RHBDD1: variants seen among roughly 807,000 people sequenced by gnomAD.
The protein encoded by RHBDD1 is rhomboid domain containing 1, also known as rhomboid-related protein 4.
In RHBDD1, 38 loss-of-function variants were observed where a neutral mutation model predicts 36.3. That is an observed-to-expected ratio of 1.05 (90% confidence interval 0.81 to 1.37). The LOEUF (loss-of-function observed/expected upper bound fraction) is 1.37. Ranked by LOEUF, RHBDD1 falls within the 40% of genes most tolerant of loss-of-function variation. The probability of loss-of-function intolerance (pLI) is 0.00; values close to 1 mark genes in which losing one functional copy is unlikely to be tolerated. For missense variants in RHBDD1, 393 were observed against 377.6 expected (o/e 1.04, Z -0.34); for synonymous variants, 151 against 136.5 (o/e 1.11, Z -0.74).
intron 8 of RHBDD1, among the ~76,000 whole-genome samples, chr2:226,955,426 G>C (rs1401247288): frequency 6.6e-6 from 1 of 152,208 alleles, no homozygotes; most frequent in African/African-American, 2.4e-5. Context: ...ATGTTGTTTT[G>C]ATGTTACTCT....
upstream of RHBDD1, among the ~76,000 whole-genome samples, chr2:226,833,070 G>A (rs1940781650): frequency 6.6e-6 from 1 of 152,154 alleles, no homozygotes; most frequent in Non-Finnish European, 1.5e-5. Context: ...TATGGTTAGT[G>A]TCTGCATAGT....
chr2:226,958,118 A>G (rs1951904931), intron 8 of RHBDD1, among the ~76,000 whole-genome samples: 1 of 152,268 alleles, frequency 6.6e-6, no homozygotes, highest in Non-Finnish European at 1.5e-5. Flanking sequence ...ATAATAGCCA[A>G]AAAGTAGAAA....
chr2:226,992,654 T>C (rs1958502246), intron 8 of RHBDD1, among the ~76,000 whole-genome samples: 1 of 152,226 alleles, frequency 6.6e-6, no homozygotes. Context: ...GAACTTAGAC[T>C]GGAACTTCTT....
At chr2:226,833,610 T>C (rs1171318299), upstream of RHBDD1, among the ~76,000 whole-genome samples, 3 of 152,212 alleles carry the variant, frequency 2.0e-5, no homozygotes, top group Non-Finnish European at 4.4e-5. Context: ...ATGTCTCACA[T>C]ATTATGCACA....
At chr2:226,874,271 G>T (rs1945032002) in intron 5 of RHBDD1, among the ~76,000 whole-genome samples, 1 of 152,170 alleles carries the variant, frequency 6.6e-6, no homozygotes, top group African/African-American at 2.4e-5. Context: ...AGGACTGTAG[G>T]AGGTAGGGTT....
intron 7 of RHBDD1, among the ~76,000 whole-genome samples, chr2:226,909,245 C>T (rs1289546351): frequency 6.6e-6 from 1 of 152,056 alleles, no homozygotes. Flanking sequence ...CATGGCCCAT[C>T]CTGTGTATAT....
intron 5 of RHBDD1, chr2:226,867,565 G>C: frequency 1.9e-5 from 19 of 984,608 alleles, no homozygotes; most frequent in Non-Finnish European, 2.3e-5. Context: ...TTTTTAAGTA[G>C]GAGAACCTGC....
intron 8 of RHBDD1, among the ~76,000 whole-genome samples, chr2:226,930,588 A>T (rs1949969641): frequency 6.6e-6 from 1 of 152,032 alleles, no homozygotes; most frequent in Admixed American, 6.6e-5. Context: ...TAGGCAAAGA[A>T]TTTATGACTA....
intron 8 of RHBDD1, among the ~76,000 whole-genome samples, chr2:226,969,811 C>T (rs1329861049): frequency 6.6e-6 from 1 of 152,132 alleles, no homozygotes; most frequent in Non-Finnish European, 1.5e-5. Context: ...AGTAGACTCT[C>T]ATTCTTCATA....
chr2:226,880,602 GGA>G (rs926365868), intron 5 of RHBDD1, among the ~76,000 whole-genome samples: 2 of 152,168 alleles, frequency 1.3e-5, no homozygotes, highest in African/African-American at 4.8e-5. Flanking sequence ...CCAATTCTGT[GGA>G]GAGAGACAGA....
At position 226,897,674 on chromosome 2, in the gene RHBDD1, T is replaced by C. The variant is rs573270677; in HGVS notation, c.567-9119T>C. 2.0e-5 allele frequency among the ~76,000 whole-genome samples: 3 copies of C among 152,112 alleles called. No homozygotes were observed. In the East Asian group the frequency reaches 5.8e-4, roughly 30 times the overall value. ...TAAGACAGGCAGTGCCATGCTTTCT[T>C]TAAGAACCAGCTCTGGGCCGGGTGT... On this transcript the variant is annotated intron_variant, in intron 5 of 8. Coordinates refer to ENST00000392062, the MANE Select transcript of RHBDD1 (RefSeq NM_001167608.3).
In RHBDD1 at chr2:226,969,459, G is replaced by A. The variant is rs576445882; in HGVS notation, c.857-25972G>A. Among the ~76,000 whole-genome samples, 4 of 147,710 alleles carry A rather than the reference G, an allele frequency of 2.7e-5. No individual in the cohort carries two copies. In the East Asian group the frequency reaches 6.0e-4, roughly 22 times the overall value. On this transcript the variant is annotated intron_variant, in intron 8 of 8. Transcript: ENST00000392062. ...TGATGCTTGAGATATTAGGGGTGAA[G>A]GAGAGTCATTTATTATAAATGTGTT... is the stretch of plus-strand genomic sequence containing the variant.
At chr2:226,842,494 T>A (rs1941761936) in intron 3 of RHBDD1, among the ~76,000 whole-genome samples, 1 of 152,238 alleles carries the variant, frequency 6.6e-6, no homozygotes, top group African/African-American at 2.4e-5. Flanking sequence ...AGTTTCAGTT[T>A]TCTGCATATG....
upstream of RHBDD1, among the ~76,000 whole-genome samples, chr2:226,834,440 G>A (rs62191012): frequency 0.046 from 7,070 of 152,244 alleles, 242 homozygotes; most frequent in East Asian, 0.14. Flanking sequence ...GTTTTTCTAG[G>A]AAAGAGGTAA....
At chr2:226,879,145 C>T (rs1447439747) in intron 5 of RHBDD1, among the ~76,000 whole-genome samples, 1 of 150,720 alleles carries the variant, frequency 6.6e-6, no homozygotes. Flanking sequence ...ATTTCAAGGA[C>T]CTTTGATTTC....
chr2:226,922,646 A>G (rs1949406702), intron 8 of RHBDD1, among the ~76,000 whole-genome samples: 1 of 151,782 alleles, frequency 6.6e-6, no homozygotes, highest in Non-Finnish European at 1.5e-5. Context: ...ATTTACTCCT[A>G]CCATTTTGTT....
At chr2:226,914,975 G>T (rs1193419470) in intron 8 of RHBDD1, among the ~76,000 whole-genome samples, 1 of 152,138 alleles carries the variant, frequency 6.6e-6, no homozygotes, top group East Asian at 1.9e-4. Context: ...AAAATCAACT[G>T]TTCATTTAAA....
At chr2:226,929,288 A>G (rs535874584) in intron 8 of RHBDD1, among the ~76,000 whole-genome samples, 2 of 152,120 alleles carry the variant, frequency 1.3e-5, no homozygotes, top group Non-Finnish European at 2.9e-5. Context: ...AGCACATCCA[A>G]ACAATAATTT....
chr2:226,872,024 G>A (rs1036662636), intron 5 of RHBDD1, among the ~76,000 whole-genome samples: 1 of 152,104 alleles, frequency 6.6e-6, no homozygotes, highest in Non-Finnish European at 1.5e-5. Context: ...ATTTTAGGGG[G>A]AATTATAAAG....
Sources: allele counts gnomAD v4.1 joint callset (sites outside exome capture counted in the v4.1 genomes callset), GRCh38; gene constraint gnomAD v4.1.1; transcripts MANE v1.5; gene names NCBI Gene and HGNC (gene_info 2026-07-23, HGNC 2026-07-21).